Variants in NHSL1 observed in about 807,000 individuals in gnomAD.
The protein encoded by NHSL1 is NHS-like protein 1.
NHSL1 carries 48 observed loss-of-function variants against 95.0 expected under a neutral mutation model. The ratio of observed to expected loss-of-function variants is 0.51; its 90% CI spans 0.40 to 0.64. NHSL1 has a LOEUF of 0.64. Among genes scored for constraint, NHSL1 ranks in the 30% least tolerant of loss-of-function variants. NHSL1 has a pLI of 0.00. For synonymous variants in NHSL1, 783 were observed against 833.9 expected (o/e 0.94, Z 1.05); for missense variants, 1,971 against 2,077.7 (o/e 0.95, Z 1.00).
chr6:138,551,033 CAGAG>C (rs1019496987), intron 1 of NHSL1, among the ~76,000 whole-genome samples: 7 of 152,110 alleles, frequency 4.6e-5, no homozygotes, highest in African/African-American at 1.7e-4. Flanking sequence ...AATATTAAAA[CAGAG>C]AGAGATATCA....
At chr6:138,660,792 CAA>C (rs1175314557) in intron 1 of NHSL1, among the ~76,000 whole-genome samples, 7 of 82,428 alleles carry the variant, frequency 8.5e-5, no homozygotes, top group South Asian at 3.5e-4. Flanking sequence ...CCTGTCTCTA[CAA>C]AAAAAAAAAA....
chr6:138,685,174 G>C (rs1021266838), intron 1 of NHSL1, among the ~76,000 whole-genome samples: 1 of 151,796 alleles, frequency 6.6e-6, no homozygotes, highest in Admixed American at 6.6e-5. Flanking sequence ...GTTAATATTA[G>C]GGTTTTCTTT....
intron 1 of NHSL1, among the ~76,000 whole-genome samples, chr6:138,526,029 G>T (rs1355606801): frequency 6.7e-6 from 1 of 149,134 alleles, no homozygotes; most frequent in African/African-American, 2.5e-5. Flanking sequence ...GGAGGAGGAG[G>T]TTGCACTGAG....
chr6:138,625,139 C>T (rs6929048), intron 1 of NHSL1, among the ~76,000 whole-genome samples: 59,096 of 140,946 alleles, frequency 0.42, 12,558 homozygotes, highest in African/African-American at 0.59. Context: ...GTTGTTGTTG[C>T]TTTGTTTTGC....
At chr6:138,480,916 A>G (rs1047348267) in intron 2 of NHSL1, among the ~76,000 whole-genome samples, 2 of 152,216 alleles carry the variant, frequency 1.3e-5, no homozygotes, top group Non-Finnish European at 2.9e-5. Context: ...GAATTGAAGG[A>G]AAGCAGTTAT....
chr6:138,579,055 A>G (rs531606658), intron 1 of NHSL1, among the ~76,000 whole-genome samples: 61 of 152,260 alleles, frequency 4.0e-4, no homozygotes, highest in African/African-American at 1.4e-3. Flanking sequence ...GCAGTGTGCA[A>G]CCTAGATCCC....
chr6:138,571,432 C>T (rs982346061), intron 1 of NHSL1: 15 of 387,634 alleles, frequency 3.9e-5, no homozygotes, highest in Non-Finnish European at 7.1e-5. Flanking sequence ...TTTCACAAGT[C>T]ACATGAGCAT....
intron 7 of NHSL1, among the ~76,000 whole-genome samples, chr6:138,425,221 A>C (rs556102043): frequency 2.0e-5 from 3 of 152,190 alleles, no homozygotes; most frequent in South Asian, 2.1e-4. Flanking sequence ...CCTCCCAAGT[A>C]GCTGGGATTA....
In NHSL1 at chr6:138,424,920, A is replaced by G. The variant is rs1775160582; in HGVS notation, c.4086-104T>C. Reference sequence around the variant, plus strand: ...CGCATCTTCAGGTCACCATCTACTTAAGATTCACTTTCAAAAAATTTATTT... The same window carrying G: ...CGCATCTTCAGGTCACCATCTACTTGAGATTCACTTTCAAAAAATTTATTT... On this transcript the variant is annotated intron_variant, in intron 7 of 7. Coordinates refer to ENST00000343505, the MANE Select transcript of NHSL1 (RefSeq NM_001144060.2). This position sits in a 1 kb window ranked among gnomAD's most constrained non-coding sequence, Gnocchi z 5.9. 29 of 970,540 alleles carry G rather than the reference A, an allele frequency of 3.0e-5. No individual in the cohort carries two copies. Among genetic ancestry groups the G allele is most frequent in the Non-Finnish European group, 3.9e-5 (26 of 671,120 alleles). 60.1% of individuals were successfully genotyped at this position (970,540 alleles called of 1,614,324 possible). A position where few individuals can be genotyped will look rare whatever the true frequency, so the allele number is the denominator to read the frequency against.
At chr6:138,544,983 CTTTTTTTTTTTTTTT>C (rs35979187) in intron 1 of NHSL1, among the ~76,000 whole-genome samples, 4 of 83,394 alleles carry the variant, frequency 4.8e-5, no homozygotes, top group African/African-American at 1.6e-4. Flanking sequence ...TCTTTCTTTT[CTTTTTTTTTTTTTTT>C]TTTTTTTTTG....
In NHSL1 at chr6:138,667,701, T is replaced by G. The variant is rs1785312893; in HGVS notation, c.96+24775A>C. ...ACAGCTAACAAAAAGAATTTCAGAC[T>G]CTTTAATTGCCTGCTCAGGGAATGT... On this transcript the variant is annotated intron_variant, in intron 1 of 3. Transcript: ENST00000491526. Among the ~76,000 whole-genome samples, 3 of 152,364 alleles carry G rather than the reference T, an allele frequency of 2.0e-5. No homozygotes were observed. In the South Asian group the frequency reaches 6.2e-4, roughly 32 times the overall value.
At chr6:138,593,451 TACAG>T (rs1784260366) in intron 1 of NHSL1, among the ~76,000 whole-genome samples, 1 of 152,234 alleles carries the variant, frequency 6.6e-6, no homozygotes, top group Non-Finnish European at 1.5e-5. Context: ...AATTCACTCA[TACAG>T]AGAGAGAGTG....
At chr6:138,493,644 C>T (rs1780196144) in intron 2 of NHSL1, among the ~76,000 whole-genome samples, 1 of 152,334 alleles carries the variant, frequency 6.6e-6, no homozygotes, top group Admixed American at 6.5e-5. Flanking sequence ...CAGAGAAATG[C>T]TAATGAGGCA....
intron 2 of NHSL1, among the ~76,000 whole-genome samples, chr6:138,482,718 CGA>C (rs746860399): frequency 1.3e-5 from 2 of 152,084 alleles, no homozygotes; most frequent in African/African-American, 2.4e-5. Flanking sequence ...TTGCCACCAA[CGA>C]GAGAGAAGAG....
At chr6:138,621,210 T>G (rs1397026722) in intron 1 of NHSL1, among the ~76,000 whole-genome samples, 4 of 152,204 alleles carry the variant, frequency 2.6e-5, no homozygotes, top group African/African-American at 9.7e-5. Context: ...ACAAATGGTA[T>G]GCAAGTCAAA....
chr6:138,506,860 AC>A (rs1420222307), intron 1 of NHSL1, among the ~76,000 whole-genome samples: 1 of 152,216 alleles, frequency 6.6e-6, no homozygotes, highest in Admixed American at 6.5e-5. Context: ...GATTAAAAAA[AC>A]TACTTAAGAT....
chr6:138,591,992 A>T (rs1784236498), intron 1 of NHSL1, among the ~76,000 whole-genome samples: 1 of 152,296 alleles, frequency 6.6e-6, no homozygotes, highest in Middle Eastern at 3.4e-3. Flanking sequence ...GGATAAAGGG[A>T]GACGACTGTA....
intron 1 of NHSL1, among the ~76,000 whole-genome samples, chr6:138,528,141 T>A (rs1359059628): frequency 6.6e-6 from 1 of 152,202 alleles, no homozygotes; most frequent in Non-Finnish European, 1.5e-5. Flanking sequence ...ATTATAAAGC[T>A]GTATAAGTAA....
chr6:138,479,958 G>C (rs1779315712), intron 2 of NHSL1, among the ~76,000 whole-genome samples: 1 of 152,184 alleles, frequency 6.6e-6, no homozygotes, highest in African/African-American at 2.4e-5. Context: ...TTAAATGAGA[G>C]GGAGATGGAG....
Sources: allele counts gnomAD v4.1 joint callset (sites outside exome capture counted in the v4.1 genomes callset), GRCh38; gene constraint gnomAD v4.1.1; non-coding constraint Gnocchi (gnomAD v3.1); transcripts MANE v1.5; gene names NCBI Gene and HGNC (gene_info 2026-07-23, HGNC 2026-07-21).